The following AGBL4 variants were observed in gnomAD, a reference collection of about 807,000 sequenced individuals.
AGBL4 encodes the protein cytosolic carboxypeptidase 6.
Under a neutral mutation model 66.4 loss-of-function variants are expected in AGBL4, and 58 were observed. The ratio of observed to expected loss-of-function variants is 0.87; its 90% CI spans 0.71 to 1.09. The LOEUF (loss-of-function observed/expected upper bound fraction) is 1.09. Ranked by LOEUF, AGBL4 falls within the 50% of genes least tolerant of loss-of-function variation. The pLI, the probability that AGBL4 is intolerant of heterozygous loss-of-function variation, is 0.00. For missense variants in AGBL4, 579 were observed against 631.0 expected (o/e 0.92, Z 0.88); for synonymous variants, 234 against 222.9 (o/e 1.05, Z -0.44).
At chr1:48,796,736 T>C (rs1358784045) in intron 6 of AGBL4, among the ~76,000 whole-genome samples, 1 of 152,196 alleles carries the variant, frequency 6.6e-6, no homozygotes, top group African/African-American at 2.4e-5. Context: ...AGCTGGTTAA[T>C]TTTCTCAGCT....
intron 6 of AGBL4, among the ~76,000 whole-genome samples, chr1:48,862,870 C>G (rs1386866272): frequency 1.3e-5 from 2 of 152,014 alleles, no homozygotes; most frequent in African/African-American, 2.4e-5. Flanking sequence ...AAATTTATAC[C>G]CAGCCAAGTT....
intron 5 of AGBL4, among the ~76,000 whole-genome samples, chr1:48,885,793 G>A (rs886278810): frequency 2.0e-5 from 3 of 152,258 alleles, no homozygotes; most frequent in South Asian, 2.1e-4. Flanking sequence ...CCCACTGGCT[G>A]CTGGTTATAC....
chr1:48,994,827 T>C lies in AGBL4; in HGVS notation c.594+50757A>G, dbSNP rs529499945. 2.0e-5 allele frequency among the ~76,000 whole-genome samples: 3 copies of C among 152,310 alleles called. No homozygotes were observed. In the South Asian group the frequency reaches 6.2e-4, roughly 32 times the overall value. On this transcript the variant is annotated intron_variant, in intron 5 of 13. Transcript: ENST00000371839. ...AAAAGCTCTCAGTAGATTAGTTCTG[T>C]AGTATATATTTCCTATGCATAATTA...
At chr1:48,978,145 ACATATTTTGTTACTTGGAAGGT>A (rs1659488530) in intron 5 of AGBL4, among the ~76,000 whole-genome samples, 1 of 152,206 alleles carries the variant, frequency 6.6e-6, no homozygotes, top group Non-Finnish European at 1.5e-5. Context: ...CACGAAGTTC[ACATATTTTGTTACTTGGAAGGT>A]CAACTATGTA....
In AGBL4 at chr1:48,967,330, T is replaced by A. The variant is rs558101136; in HGVS notation, c.594+78254A>T. On this transcript the variant is annotated intron_variant, in intron 5 of 13. Transcript: ENST00000371839. Reference sequence around the variant, plus strand: ...CTGCTGCCCCCATCACCTTCATTCATAATTCACTCGTTTATTTATTCATTC... The same window carrying A: ...CTGCTGCCCCCATCACCTTCATTCAAAATTCACTCGTTTATTTATTCATTC... Among the ~76,000 whole-genome samples, 185 of 152,250 alleles carry A rather than the reference T, an allele frequency of 1.2e-3. 1 individual carries two copies. The highest frequency in any genetic ancestry group is 4.0e-3 in the African/African-American group (165 of 41,546).
intron 11 of AGBL4, among the ~76,000 whole-genome samples, chr1:48,581,088 T>C (rs1196619631): frequency 6.6e-5 from 10 of 152,212 alleles, no homozygotes. Context: ...TGTGATGCTA[T>C]TGTCTCTTTA....
intron 11 of AGBL4, among the ~76,000 whole-genome samples, chr1:48,541,398 G>T (rs1452363458): frequency 3.3e-5 from 5 of 152,196 alleles, no homozygotes; most frequent in Non-Finnish European, 5.9e-5. Context: ...TGAGGCAGAG[G>T]TCATATCTGT....
In AGBL4 at chr1:48,534,256, G is replaced by A. The variant is rs947029939; in HGVS notation, c.1429C>T (p.Arg477Trp). The A allele has an allele frequency of 4.5e-6, 7 of 1,551,572 alleles. No homozygotes were observed. The highest frequency in any genetic ancestry group is 4.9e-5 in the East Asian group (2 of 40,920). The stretch of plus-strand genomic sequence containing the variant: ...TTGGGGTAGTTGCTGGCTGGGCCCC[G>A]CAGGAGTGGGTGCTTGTAAGGAGGG... ...KSPPYKHPLL[R>W]GPASNYPNSK... Residue 477 changes from arginine to tryptophan, a missense_variant, in exon 14 of 14, where the codon CGG becomes TGG. Transcript: ENST00000371839.
intron 1 of AGBL4, among the ~76,000 whole-genome samples, chr1:49,944,594 C>A (rs1319421412): frequency 3.9e-5 from 6 of 152,024 alleles, no homozygotes; most frequent in African/African-American, 1.4e-4. Context: ...TCTGACAGAA[C>A]CTACCCAAAT....
At chr1:49,971,541 A>T (rs915842814) in intron 1 of AGBL4, among the ~76,000 whole-genome samples, 4 of 152,190 alleles carry the variant, frequency 2.6e-5, no homozygotes, top group Non-Finnish European at 5.9e-5. Flanking sequence ...AAAAGAAATC[A>T]CATGGTGAGG....
At chr1:48,682,623 G>A (rs904865023) in intron 6 of AGBL4, among the ~76,000 whole-genome samples, 1 of 152,098 alleles carries the variant, frequency 6.6e-6, no homozygotes, top group Non-Finnish European at 1.5e-5. Flanking sequence ...AAACTCCTGG[G>A]CTCAAGCAAT....
At chr1:49,483,723 C>T (rs1647005163) in intron 3 of AGBL4, among the ~76,000 whole-genome samples, 1 of 151,504 alleles carries the variant, frequency 6.6e-6, no homozygotes, top group Non-Finnish European at 1.5e-5. Flanking sequence ...CAAGCACAGG[C>T]AACCAAAGTA....
At chr1:49,924,426 C>T (rs1051804324) in intron 1 of AGBL4, among the ~76,000 whole-genome samples, 1 of 152,008 alleles carries the variant, frequency 6.6e-6, no homozygotes, top group Non-Finnish European at 1.5e-5. Flanking sequence ...CACACATACC[C>T]CTGAACTTAA....
At chr1:48,852,144 G>A (rs1277736577) in intron 6 of AGBL4, among the ~76,000 whole-genome samples, 1 of 148,156 alleles carries the variant, frequency 6.7e-6, no homozygotes, top group African/African-American at 2.5e-5. Flanking sequence ...CAAATTAAGT[G>A]TTTTGCCCCA....
At chr1:48,570,619 C>G (rs1644546685) in intron 11 of AGBL4, among the ~76,000 whole-genome samples, 2 of 152,118 alleles carry the variant, frequency 1.3e-5, no homozygotes, top group Admixed American at 1.3e-4. Context: ...CCATAAAGCA[C>G]TTAGCACAGT....
At chr1:48,830,317 A>C (rs888422578) in intron 6 of AGBL4, among the ~76,000 whole-genome samples, 1 of 152,214 alleles carries the variant, frequency 6.6e-6, no homozygotes, top group Non-Finnish European at 1.5e-5. Context: ...CCTGTGAAAT[A>C]GGCATTGCAA....
At chr1:49,453,341 T>G (rs930157381) in intron 3 of AGBL4, among the ~76,000 whole-genome samples, 1 of 151,810 alleles carries the variant, frequency 6.6e-6, no homozygotes, top group Non-Finnish European at 1.5e-5. Context: ...CTATAATGAC[T>G]CTTTCACAGA....
intron 9 of AGBL4, among the ~76,000 whole-genome samples, chr1:48,605,003 C>T (rs1225373152): frequency 1.3e-5 from 2 of 152,164 alleles, no homozygotes; most frequent in African/African-American, 4.8e-5. Context: ...CTCTCCTAGC[C>T]CCTTTCCTTT....
intron 4 of AGBL4, among the ~76,000 whole-genome samples, chr1:49,172,863 C>T (rs1488632829): frequency 6.6e-6 from 1 of 152,154 alleles, no homozygotes; most frequent in Non-Finnish European, 1.5e-5. Flanking sequence ...CAGTGGCTCA[C>T]GCCTGTAATC....
Sources: gnomAD v4.1 joint callset for allele counts (sites outside exome capture counted in the v4.1 genomes callset) on GRCh38, gnomAD v4.1.1 for gene constraint, MANE v1.5 for transcripts, NCBI Gene and HGNC (gene_info 2026-07-23, HGNC 2026-07-21) for gene names.